Variants in AGO4 observed in about 807,000 individuals in gnomAD.
AGO4 encodes the protein protein argonaute-4.
A neutral mutation model predicts 104.7 loss-of-function variants in AGO4; 33 were observed. That is an observed-to-expected ratio of 0.32 (90% CI 0.24 to 0.42). AGO4 has a LOEUF of 0.42. Among genes scored for constraint, AGO4 ranks in the 10% least tolerant of loss-of-function variants. The pLI, the probability that AGO4 is intolerant of heterozygous loss-of-function variation, is 1.00. For synonymous variants in AGO4, 331 were observed against 364.7 expected (o/e 0.91, Z 1.05); for missense variants, 711 against 1,083.4 (o/e 0.66, Z 4.83).
At position 35,808,107 on chromosome 1, in the gene AGO4, G is replaced by C. The variant is rs539992659; in HGVS notation, c.-310G>C. On this transcript the variant is annotated 5_prime_UTR_variant, in exon 1 of 18. Transcript: ENST00000373210. This position sits in a 1 kb window ranked among gnomAD's most constrained non-coding sequence, Gnocchi z 5.2. ...CTCCGCCCGCCGGGACCCTGGGTCC[G>C]CGCACCCCGCGCCCCCTTCCCTCCC... is the stretch of plus-strand genomic sequence containing the variant. 2.0e-5 allele frequency: 3 copies of C among 149,530 alleles called. No individual in the cohort carries two copies. In the East Asian group the frequency reaches 5.8e-4, roughly 29 times the overall value. The allele number at this position is 149,530 out of a possible 1,614,324, so 9.3% of individuals were successfully genotyped here. A position where few individuals can be genotyped will look rare whatever the true frequency, so the allele number is the denominator to read the frequency against.
At chr1:35,812,295 C>T (rs557767466) in intron 1 of AGO4, among the ~76,000 whole-genome samples, 7 of 152,012 alleles carry the variant, frequency 4.6e-5, no homozygotes, top group Non-Finnish European at 1.0e-4. Flanking sequence ...TATCACTCAC[C>T]ATCTAACTTT....
rs1378860420 is a variant in AGO4 at position 35,810,032 on chromosome 1, T to TG, written c.19+1597_19+1598insG. Among the ~76,000 whole-genome samples the TG allele has an allele frequency of 9.4e-5, 14 of 148,974 alleles. No individual in the cohort carries two copies. In the South Asian group the frequency reaches 2.5e-3, roughly 27 times the overall value. Reference sequence around the variant, plus strand: ...TTAGGCACTGCCCAGGGACTCTTTTTTTTTTTTGTTTTGATTTTAGCTTTT... The same window carrying TG: ...TTAGGCACTGCCCAGGGACTCTTTTTGTTTTTTTGTTTTGATTTTAGCTTTT... On this transcript the variant is annotated intron_variant, in intron 1 of 17. Transcript: ENST00000373210.
Position 35,832,503 on chromosome 1 carries a change from A to G in AGO4, c.1312A>G (p.Ile438Val), listed in dbSNP as rs1160117256. Residue 438 changes from isoleucine to valine, a missense_variant, in exon 11 of 18, where the codon ATT becomes GTT. Ile to Val is a conservative substitution (Grantham distance 29). Coordinates refer to ENST00000373210, the MANE Select transcript of AGO4 (RefSeq NM_017629.4). Reference sequence around the variant, plus strand: ...GCGAGGAAAGCAGTTTTATGCTGGCATTGAAATTAAAGTTTGGGCAGTTGC... The same window carrying G: ...GCGAGGAAAGCAGTTTTATGCTGGCGTTGAAATTAAAGTTTGGGCAGTTGC... ...DMRGKQFYAG[I>V]EIKVWAVACF... 1 of 1,613,392 alleles carries G rather than the reference A, an allele frequency of 6.2e-7. No homozygotes were observed. Among genetic ancestry groups the G allele is most frequent in the Non-Finnish European group, 8.5e-7 (1 of 1,179,960 alleles).
chr1:35,857,323 A>G lies in AGO4; in HGVS notation c.*3718A>G, dbSNP rs1473793384. Reference sequence around the variant, plus strand: ...TTTTCCTTGTAAAATTAAAGGAAAGATCTTGTTATTGATTAACCATTTTCT... The same window carrying G: ...TTTTCCTTGTAAAATTAAAGGAAAGGTCTTGTTATTGATTAACCATTTTCT... On this transcript the variant is annotated 3_prime_UTR_variant, in exon 18 of 18. Transcript: ENST00000373210. 2 of 152,234 alleles carry G rather than the reference A, an allele frequency of 1.3e-5. No individual in the cohort carries two copies. The highest frequency in any genetic ancestry group is 4.8e-5 in the African/African-American group (2 of 41,462). The allele number at this position is 152,234 out of a possible 1,614,324, so 9.4% of individuals were successfully genotyped here. A position where few individuals can be genotyped will look rare whatever the true frequency, so the allele number is the denominator to read the frequency against.
At position 35,855,020 on chromosome 1, in the gene AGO4, A is replaced by G. The variant is rs1235108872; in HGVS notation, c.*1415A>G. On this transcript the variant is annotated 3_prime_UTR_variant, in exon 18 of 18. Transcript: ENST00000373210. ...CAAAGGGAGTTGCTCTAAAGCGAGCATCAGTTAAAATGTAGGGGAAAATGT... is the reference window on the plus strand; with the variant it reads ...CAAAGGGAGTTGCTCTAAAGCGAGCGTCAGTTAAAATGTAGGGGAAAATGT... 1 of 152,690 alleles carries G rather than the reference A, an allele frequency of 6.5e-6. No individual in the cohort carries two copies. Among genetic ancestry groups the G allele is most frequent in the African/African-American group, 2.4e-5 (1 of 41,470 alleles). 9.5% of individuals were successfully genotyped at this position (152,690 alleles called of 1,614,324 possible).
Position 35,853,526 on chromosome 1 carries a change from G to A in AGO4, c.2507G>A (p.Ser836Asn). ...GAAGGCAGTCATGTGTCAGGACAGA[G>A]CAACGGCCGGGATCCTCAGGCCTTG... ...SAEGSHVSGQ[S>N]NGRDPQALAK... Residue 836 changes from serine to asparagine, a missense_variant, in exon 18 of 18, where the codon AGC becomes AAC. Ser to Asn is a conservative substitution (Grantham distance 46). Transcript: ENST00000373210. The A allele has an allele frequency of 6.8e-6, 11 of 1,613,826 alleles. No individual in the cohort carries two copies. Among genetic ancestry groups the A allele is most frequent in the Non-Finnish European group, 9.3e-6 (11 of 1,179,898 alleles).
At chr1:35,832,935 A>C (rs1464655358) in intron 11 of AGO4, among the ~76,000 whole-genome samples, 1 of 152,176 alleles carries the variant, frequency 6.6e-6, no homozygotes. Flanking sequence ...TTTTATTGCA[A>C]GGTCTCTGGG....
intron 2 of AGO4, 142 bp from the exon 3 acceptor site, chr1:35,822,720 A>G (rs1410084631): frequency 1.3e-5 from 13 of 991,994 alleles, no homozygotes; most frequent in Admixed American, 5.7e-5. Context: ...TATTTTTTAA[A>G]GTACTCGAAT....
At chr1:35,821,684 A>G (rs1437705470) in intron 2 of AGO4, among the ~76,000 whole-genome samples, 3 of 152,166 alleles carry the variant, frequency 2.0e-5, no homozygotes, top group South Asian at 2.1e-4. Context: ...ATATTTTACA[A>G]CATTCCCTTG....
At chr1:35,820,950 C>T (rs1643875817) in intron 2 of AGO4, among the ~76,000 whole-genome samples, 1 of 152,068 alleles carries the variant, frequency 6.6e-6, no homozygotes, top group Admixed American at 6.6e-5. Context: ...CATAACTTTA[C>T]ATATGAAGAA....
chr1:35,821,316 T>C (rs949454093), intron 2 of AGO4, among the ~76,000 whole-genome samples: 5 of 152,230 alleles, frequency 3.3e-5, no homozygotes, highest in Non-Finnish European at 7.3e-5. Context: ...ATGATTTGGT[T>C]TGTAAACATG....
intron 13 of AGO4, among the ~76,000 whole-genome samples, chr1:35,839,763 A>T (rs1367101907): frequency 2.0e-5 from 3 of 151,986 alleles, no homozygotes; most frequent in Non-Finnish European, 4.4e-5. Context: ...TACCTATTAT[A>T]TGAGGTTGTC....
chr1:35,829,023 C>CAA (rs1644107865), intron 7 of AGO4, among the ~76,000 whole-genome samples: 1 of 144,398 alleles, frequency 6.9e-6, no homozygotes, highest in African/African-American at 2.5e-5. Flanking sequence ...TACTCAGAGC[C>CAA]CCCCCCCCCA....
chr1:35,825,416 T>C lies in AGO4; in HGVS notation c.410T>C (p.Leu137Ser), dbSNP rs1035643010. Residue 137 changes from leucine (L) to serine (S), a missense_variant, in exon 4 of 18, where the codon TTG (leucine) becomes TCG (serine). By Grantham distance (145) the Leu-to-Ser change is moderately radical. Around this residue, in one of 3 missense-constraint regions of AGO4, gnomAD observed 308 missense variants for 397.8 expected, o/e 0.77. Transcript: ENST00000373210. ...AGCCTTCAGTTGCTTTTAGAAGCTT[T>C]GGCTGGGCACTTGAATGAAGTCCCA... Reference protein sequence around the residue: ...VVSLQLLLEALAGHLNEVPDD... With the variant: ...VVSLQLLLEASAGHLNEVPDD... 1.9e-6 allele frequency: 3 copies of C among 1,614,224 alleles called. No individual in the cohort carries two copies. The highest frequency in any genetic ancestry group is 2.5e-6 in the Non-Finnish European group (3 of 1,180,032).
chr1:35,827,790 C>CTTTTTTTTTTTTTTTTTTTTTTTT (rs142432459), intron 7 of AGO4, among the ~76,000 whole-genome samples: 4 of 103,850 alleles, frequency 3.9e-5, no homozygotes, highest in Non-Finnish European at 5.7e-5. Flanking sequence ...TGTTGTTATT[C>CTTTTTTTTTTTTTTTTTTTTTTTT]TTTTTTTTTT....
In AGO4 at chr1:35,855,652, C is replaced by CTTTTT. The variant is rs67520708; in HGVS notation, c.*2061_*2065dup. 3 of 126,326 alleles carry CTTTTT rather than the reference C, an allele frequency of 2.4e-5. No individual in the cohort carries two copies. Among genetic ancestry groups the CTTTTT allele is most frequent in the African/African-American group, 8.8e-5 (3 of 34,002 alleles). 7.8% of individuals were successfully genotyped at this position (126,326 alleles called of 1,614,324 possible). A position where few individuals can be genotyped will look rare whatever the true frequency, so the allele number is the denominator to read the frequency against. ...CAGATGTTAATTTCTTAAAATTTTC[C>CTTTTT]TTTTTTTTTTTTTTTTTTGCAAATA... On this transcript the variant is annotated 3_prime_UTR_variant, in exon 18 of 18. Transcript: ENST00000373210.
intron 7 of AGO4, among the ~76,000 whole-genome samples, chr1:35,828,408 C>A (rs990784320): frequency 1.3e-5 from 2 of 152,008 alleles, no homozygotes; most frequent in Non-Finnish European, 2.9e-5. Context: ...GTGTGGATTT[C>A]TCTCCCTCCC....
chr1:35,853,379 C>T (rs572755363), intron 17 of AGO4, 118 bp from the exon 18 acceptor site: 12 of 676,362 alleles, frequency 1.8e-5, no homozygotes, highest in Admixed American at 3.0e-5. Context: ...CTATTTGAAA[C>T]GTGTGAAGTT....
chr1:35,832,230 A>C, intron 10 of AGO4, 45 bp downstream of exon 10: 1 of 1,599,602 alleles, frequency 6.3e-7, no homozygotes, highest in Middle Eastern at 1.7e-4. Flanking sequence ...ACAACCAGTC[A>C]AAAAGAGAAT....
Sources: allele counts gnomAD v4.1 joint callset (sites outside exome capture counted in the v4.1 genomes callset), GRCh38; gene constraint gnomAD v4.1.1; regional missense constraint gnomAD v4.1.1; non-coding constraint Gnocchi (gnomAD v3.1); transcripts MANE v1.5; gene names NCBI Gene and HGNC (gene_info 2026-07-23, HGNC 2026-07-21).